Variants in ROBO2 observed in about 807,000 individuals in gnomAD.
ROBO2 encodes the protein roundabout guidance receptor 2, also known as roundabout homolog 2.
ROBO2 carries 53 observed loss-of-function variants against 160.8 expected under a neutral mutation model. The observed-to-expected ratio is 0.33, with a 90% confidence interval of 0.26 to 0.41. The LOEUF is 0.41. Among genes scored for constraint, ROBO2 ranks in the 10% least tolerant of loss-of-function variants. The pLI is 1.00. For synonymous variants in ROBO2, 664 were observed against 611.7 expected (o/e 1.09, Z -1.26); for missense variants, 1,577 against 1,722.4 (o/e 0.92, Z 1.49).
At chr3:77,570,339 A>G (rs1468071634) in intron 13 of ROBO2, among the ~76,000 whole-genome samples, 1 of 151,858 alleles carries the variant, frequency 6.6e-6, no homozygotes, top group Non-Finnish European at 1.5e-5. Context: ...CAGGAGGGGG[A>G]CGTTGTCTAT....
intron 2 of ROBO2, chr3:77,317,520 T>TCAAG: frequency 7.0e-7 from 1 of 1,433,078 alleles, no homozygotes; most frequent in Non-Finnish European, 9.7e-7. Flanking sequence ...CGTTTTCAAA[T>TCAAG]CAAGCTTTAT....
intron 2 of ROBO2, among the ~76,000 whole-genome samples, chr3:76,093,335 A>G (rs1205581376): frequency 6.6e-6 from 1 of 152,040 alleles, no homozygotes; most frequent in Non-Finnish European, 1.5e-5. Flanking sequence ...ATGCTAAAAT[A>G]GATCATCTTT....
intron 2 of ROBO2, among the ~76,000 whole-genome samples, chr3:76,215,032 GCTGATACC>G (rs1384978625): frequency 6.6e-6 from 1 of 152,180 alleles, no homozygotes; most frequent in East Asian, 1.9e-4. Flanking sequence ...AGCCACCGCT[GCTGATACC>G]CAGGAAAACA....
At chr3:76,273,023 AATAT>A (rs1258656189) in intron 2 of ROBO2, among the ~76,000 whole-genome samples, 7 of 99,454 alleles carry the variant, frequency 7.0e-5, no homozygotes, top group Non-Finnish European at 1.3e-4. Flanking sequence ...TATTATATAT[AATAT>A]ATATTTATAA....
chr3:76,237,615 T>C (rs898308221), intron 2 of ROBO2, among the ~76,000 whole-genome samples: 2 of 152,166 alleles, frequency 1.3e-5, no homozygotes, highest in African/African-American at 4.8e-5. Flanking sequence ...AATAAATACC[T>C]ACTGAGCATC....
intron 2 of ROBO2, among the ~76,000 whole-genome samples, chr3:76,614,352 T>C (rs2088393507): frequency 6.6e-6 from 1 of 152,098 alleles, no homozygotes; most frequent in South Asian, 2.1e-4. Context: ...TTTCACATGA[T>C]TTATGATGCT....
intron 2 of ROBO2, among the ~76,000 whole-genome samples, chr3:76,994,261 T>C (rs771742155): frequency 2.0e-5 from 3 of 152,178 alleles, no homozygotes; most frequent in Non-Finnish European, 4.4e-5. Context: ...CTTGTTCCAT[T>C]AGTAACATAC....
intron 2 of ROBO2, among the ~76,000 whole-genome samples, chr3:76,397,900 T>C (rs1056808635): frequency 6.1e-4 from 93 of 151,856 alleles, no homozygotes; most frequent in Non-Finnish European, 1.2e-3. Context: ...GTTCAACCAT[T>C]GTGGAAGTCA....
intron 2 of ROBO2, among the ~76,000 whole-genome samples, chr3:76,684,742 CA>C (rs1358660202): frequency 6.6e-6 from 1 of 151,844 alleles, no homozygotes; most frequent in Non-Finnish European, 1.5e-5. Context: ...TGTGCCCCCA[CA>C]CTGGCAAAAC....
chr3:76,547,335 G>A (rs1181832476), intron 2 of ROBO2, among the ~76,000 whole-genome samples: 2 of 151,800 alleles, frequency 1.3e-5, no homozygotes, highest in African/African-American at 4.8e-5. Context: ...TTAATTCACT[G>A]GCCCCCTGAT....
chr3:76,068,046 T>C (rs2068318042), intron 2 of ROBO2, among the ~76,000 whole-genome samples: 1 of 152,124 alleles, frequency 6.6e-6, no homozygotes, highest in Admixed American at 6.6e-5. Flanking sequence ...GGAGAAGAAA[T>C]ACACATGGAG....
intron 2 of ROBO2, among the ~76,000 whole-genome samples, chr3:76,310,820 C>T (rs2071545765): frequency 6.6e-6 from 1 of 152,284 alleles, no homozygotes; most frequent in Admixed American, 6.5e-5. Flanking sequence ...GTGGCGGTGA[C>T]ACCGGCTTTC....
chr3:76,552,202 C>T (rs558252569), intron 2 of ROBO2, among the ~76,000 whole-genome samples: 2 of 152,284 alleles, frequency 1.3e-5, no homozygotes, highest in African/African-American at 4.8e-5. Context: ...CAGGAGGATA[C>T]ACATAGGTTA....
intron 2 of ROBO2, among the ~76,000 whole-genome samples, chr3:76,035,587 A>G (rs1402052098): frequency 2.0e-5 from 3 of 152,054 alleles, no homozygotes; most frequent in South Asian, 4.1e-4. Context: ...TTTTTCTTTC[A>G]GAAGTCTGTT....
intron 2 of ROBO2, among the ~76,000 whole-genome samples, chr3:76,530,991 T>C (rs1162822529): frequency 6.6e-6 from 1 of 152,218 alleles, no homozygotes; most frequent in African/African-American, 2.4e-5. Flanking sequence ...TGCAGAAGCT[T>C]ATAACTTCAG....
chr3:77,012,465 A>G (rs2061979729), intron 2 of ROBO2, among the ~76,000 whole-genome samples: 1 of 152,194 alleles, frequency 6.6e-6, no homozygotes, highest in African/African-American at 2.4e-5. Context: ...CAATTCGAAT[A>G]ACATATGTGA....
intron 2 of ROBO2, among the ~76,000 whole-genome samples, chr3:76,191,488 G>T (rs1003685309): frequency 3.7e-5 from 2 of 54,360 alleles, no homozygotes; most frequent in Non-Finnish European, 3.8e-5. Flanking sequence ...CAGACATCCC[G>T]TTATTAAAGC....
chr3:76,662,072 A>G (rs994757025), intron 2 of ROBO2, among the ~76,000 whole-genome samples: 2 of 152,156 alleles, frequency 1.3e-5, no homozygotes, highest in Non-Finnish European at 2.9e-5. Context: ...CCTGAATTCC[A>G]AAGAGAGGAG....
chr3:77,412,155 C>G (rs369505430), intron 2 of ROBO2, among the ~76,000 whole-genome samples: 2 of 152,152 alleles, frequency 1.3e-5, no homozygotes, highest in Non-Finnish European at 2.9e-5. Context: ...AGTGCTTGCA[C>G]GATCATTTGA....
Sources: allele counts gnomAD v4.1 joint callset (sites outside exome capture counted in the v4.1 genomes callset), GRCh38; gene constraint gnomAD v4.1.1; transcripts MANE v1.5; gene names NCBI Gene and HGNC (gene_info 2026-07-23, HGNC 2026-07-21).